Variants in MGMT observed in about 807,000 individuals in gnomAD.
MGMT encodes O-6-methylguanine-DNA methyltransferase, also known as methylated-DNA--protein-cysteine methyltransferase.
In MGMT, 14 loss-of-function variants were observed where a neutral mutation model predicts 15.9. The observed-to-expected ratio is 0.88, with a 90% confidence interval of 0.58 to 1.37. The LOEUF (loss-of-function observed/expected upper bound fraction) is 1.37, where lower values mean the gene tolerates loss of function less well. MGMT is among the 40% of genes most tolerant of loss of function. The pLI, the probability that MGMT is intolerant of heterozygous loss-of-function variation, is 0.00. For missense variants in MGMT, 282 were observed against 268.1 expected, an observed-to-expected ratio of 1.05 and a Z score of -0.36; for synonymous variants, 130 against 118.2, an observed-to-expected ratio of 1.10 and a Z score of -0.65.
intron 1 of MGMT, among the ~76,000 whole-genome samples, chr10:129,492,861 G>A (rs1284915206): frequency 1.3e-5 from 2 of 152,232 alleles, no homozygotes; most frequent in Admixed American, 6.5e-5. Context: ...GGAAATGAAA[G>A]TCCATTCTGA....
intron 3 of MGMT, among the ~76,000 whole-genome samples, chr10:129,734,086 A>G (rs1848533484): frequency 1.3e-5 from 2 of 151,508 alleles, no homozygotes; most frequent in Admixed American, 6.6e-5. Flanking sequence ...GTTTTTTCCA[A>G]TTCTGTGAAG....
intron 1 of MGMT, among the ~76,000 whole-genome samples, chr10:129,516,642 A>T (rs975655852): frequency 6.6e-6 from 1 of 152,220 alleles, no homozygotes; most frequent in African/African-American, 2.4e-5. Context: ...TTATCAGATT[A>T]ATTTTAATAA....
intron 1 of MGMT, among the ~76,000 whole-genome samples, chr10:129,471,924 C>T (rs1771453): frequency 1.4e-4 from 21 of 152,312 alleles, no homozygotes; most frequent in Middle Eastern, 3.4e-3. Context: ...ACGTGAATCT[C>T]TTCAAATTGC....
intron 1 of MGMT, among the ~76,000 whole-genome samples, chr10:129,486,132 C>T (rs1845406439): frequency 6.6e-6 from 1 of 151,024 alleles, no homozygotes; most frequent in Admixed American, 6.6e-5. Context: ...GCACAGCTAA[C>T]CAAGTCAAGG....
intron 2 of MGMT, among the ~76,000 whole-genome samples, chr10:129,580,330 A>G (rs1014412517): frequency 6.6e-6 from 1 of 152,186 alleles, no homozygotes; most frequent in East Asian, 1.9e-4. Context: ...ATCTGATTTA[A>G]TCTTCACAAA....
rs568785234 is a variant in MGMT at position 129,525,402 on chromosome 10, G to A, written c.-12-10839G>A. Among the ~76,000 whole-genome samples the A allele has an allele frequency of 2.0e-5, 3 of 152,274 alleles. No homozygotes were observed. In the East Asian group the frequency reaches 5.8e-4, roughly 29 times the overall value. On this transcript the variant is annotated intron_variant, in intron 1 of 4. Coordinates refer to ENST00000651593, the MANE Select transcript of MGMT (RefSeq NM_002412.5). ...TCCTTAGATGTCCGTCTGCTTCTGG[G>A]ATCTGATGTGTAGGCATCTTCACGT...
rs61316662 is a variant in MGMT at position 129,518,337 on chromosome 10, TACAC to T, written c.-12-17870_-12-17867del. Among the ~76,000 whole-genome samples the T allele has an allele frequency of 4.1e-3, 496 of 119,650 alleles. 4 individuals are homozygous for T. The highest frequency in any genetic ancestry group is 0.011 in the African/African-American group (358 of 33,270). The allele number at this position is 119,650 out of a possible 152,430, so 78.5% of individuals were successfully genotyped here. On this transcript the variant is annotated intron_variant, in intron 1 of 4. Transcript: ENST00000651593. ...TGATGTGTGTACAGATACACACACA[TACAC>T]ACACACACACACACACACACACACA...
intron 2 of MGMT, among the ~76,000 whole-genome samples, chr10:129,697,301 A>T (rs1294877541): frequency 6.6e-6 from 1 of 152,244 alleles, no homozygotes; most frequent in Non-Finnish European, 1.5e-5. Context: ...TCAAGGGCAG[A>T]GCATGTGGGC....
chr10:129,677,259 CTTATA>C lies in MGMT; in HGVS notation c.126-30631_126-30627del, dbSNP rs369023850. On this transcript the variant is annotated intron_variant, in intron 2 of 4. Transcript: ENST00000651593. ...CTTTTGCCTTTGTGATTTAAATTGT[CTTATA>C]TTATTTATAAGCATTTTCTATTATT... 3.8e-3 allele frequency among the ~76,000 whole-genome samples: 570 copies of C among 151,710 alleles called. 2 individuals carry two copies. The highest frequency in any genetic ancestry group is 6.1e-3 in the Non-Finnish European group (416 of 67,896).
chr10:129,518,849 G>C (rs971520632), intron 1 of MGMT, among the ~76,000 whole-genome samples: 2 of 151,540 alleles, frequency 1.3e-5, no homozygotes, highest in African/African-American at 4.9e-5. Context: ...TGACTGTGTG[G>C]GGCTTCAACA....
chr10:129,509,463 C>T (rs75911766), intron 1 of MGMT, among the ~76,000 whole-genome samples: 2,119 of 152,136 alleles, frequency 0.014, 55 homozygotes, highest in African/African-American at 0.048. Flanking sequence ...TGTCCTTGTG[C>T]GATTTCTATA....
intron 2 of MGMT, among the ~76,000 whole-genome samples, chr10:129,678,725 G>A (rs1034006258): frequency 2.6e-5 from 4 of 152,112 alleles, no homozygotes; most frequent in Non-Finnish European, 5.9e-5. Flanking sequence ...ACTATGCTAC[G>A]TGTGCACCGG....
intron 1 of MGMT, among the ~76,000 whole-genome samples, chr10:129,526,143 A>T (rs1398429182): frequency 6.6e-6 from 1 of 152,062 alleles, no homozygotes; most frequent in South Asian, 2.1e-4. Context: ...GGCCCTTTAT[A>T]CTTGGTGAGC....
rs930616221 is a variant in MGMT at position 129,767,055 on chromosome 10, C to A, written c.*58C>A. ...CACACGTGTAACACTGCATCGGATG[C>A]GGGGCGTGGAGGCACCGCTGTATTA... On this transcript the variant is annotated 3_prime_UTR_variant, in exon 5 of 5. Coordinates refer to ENST00000651593, the MANE Select transcript of MGMT (RefSeq NM_002412.5). 7.0e-7 allele frequency: 1 copy of A among 1,420,572 alleles called. No homozygotes were observed. Among genetic ancestry groups the A allele is most frequent in the African/African-American group, 1.4e-5 (1 of 70,788 alleles). The allele number at this position is 1,420,572 out of a possible 1,614,324, so 88.0% of individuals were successfully genotyped here.
chr10:129,616,191 A>G (rs568918), intron 2 of MGMT, among the ~76,000 whole-genome samples: 67,608 of 152,120 alleles, frequency 0.44, 16,106 homozygotes, highest in East Asian at 0.62. Context: ...GGATTGGAGA[A>G]CGGAGGCTCC....
rs549984229 is a variant in MGMT at position 129,749,842 on chromosome 10, A to T, written c.275-9360A>T. On this transcript the variant is annotated intron_variant, in intron 3 of 4. Coordinates refer to ENST00000651593, the MANE Select transcript of MGMT (RefSeq NM_002412.5). ...AAAAGCCATTGTAATCATATTCATTATTTTAGTGTGCAGCTCCTAAAGACA... is the reference window on the plus strand; with the variant it reads ...AAAAGCCATTGTAATCATATTCATTTTTTTAGTGTGCAGCTCCTAAAGACA... Among the ~76,000 whole-genome samples the T allele has an allele frequency of 1.2e-4, 19 of 152,166 alleles. 1 individual carries two copies. In the South Asian group the frequency reaches 3.9e-3, roughly 32 times the overall value.
At chr10:129,642,836 G>C (rs557089559) in intron 2 of MGMT, among the ~76,000 whole-genome samples, 1 of 152,250 alleles carries the variant, frequency 6.6e-6, no homozygotes, top group South Asian at 2.1e-4. Flanking sequence ...GGAGGCTGAG[G>C]CGGGAAGACC....
At chr10:129,490,946 A>G (rs1464829951) in intron 1 of MGMT, among the ~76,000 whole-genome samples, 2 of 152,208 alleles carry the variant, frequency 1.3e-5, no homozygotes, top group Non-Finnish European at 2.9e-5. Flanking sequence ...GAATAGTAAA[A>G]TACTTTACAA....
chr10:129,662,460 C>T (rs1020819515), intron 2 of MGMT, among the ~76,000 whole-genome samples: 3 of 152,104 alleles, frequency 2.0e-5, no homozygotes, highest in Non-Finnish European at 4.4e-5. Context: ...AAAAGATATA[C>T]ACACAAAGGT....
Sources: allele counts gnomAD v4.1 joint callset (sites outside exome capture counted in the v4.1 genomes callset), GRCh38; gene constraint gnomAD v4.1.1; transcripts MANE v1.5; gene names NCBI Gene and HGNC (gene_info 2026-07-23, HGNC 2026-07-21).